DYNC2H1: variants seen among roughly 807,000 people sequenced by gnomAD.
The protein encoded by DYNC2H1 is dynein cytoplasmic 2 heavy chain 1.
Under a neutral mutation model 570.0 loss-of-function variants are expected in DYNC2H1, and 410 were observed. The ratio of observed to expected loss-of-function variants is 0.72; its 90% CI spans 0.66 to 0.78. DYNC2H1 has a LOEUF of 0.78. DYNC2H1 is among the 30% of genes least tolerant of loss of function. The pLI is 0.00. For synonymous variants in DYNC2H1, 1,688 were observed against 1,677.6 expected, an observed-to-expected ratio of 1.01 and a Z score of -0.15; for missense variants, 4,865 against 5,046.4, an observed-to-expected ratio of 0.96 and a Z score of 1.09.
At chr11:103,391,900 T>A (rs1768627385) in intron 83 of DYNC2H1, among the ~76,000 whole-genome samples, 1 of 121,104 alleles carries the variant, frequency 8.3e-6, no homozygotes. Context: ...GGTGTCATTG[T>A]GCCCCTACTG....
rs2134750661 is a variant in DYNC2H1 at position 103,129,280 on chromosome 11, G to A, written c.1953+275G>A. On this transcript the variant is annotated intron_variant, in intron 13 of 88. Transcript: ENST00000375735. The surrounding 1 kb of genome is among the most constrained non-coding windows in gnomAD (Gnocchi z 4.1). The stretch of plus-strand genomic sequence containing the variant: ...ATGTTATGTTCATTTATCCTCTGAA[G>A]TTTGAGGTCCTTATACACAAGCTTC... Among the ~76,000 whole-genome samples the A allele has an allele frequency of 6.6e-6, 1 of 152,296 alleles. No individual in the cohort carries two copies. The highest frequency in any genetic ancestry group is 6.5e-5 in the Admixed American group (1 of 15,288).
intron 82 of DYNC2H1, among the ~76,000 whole-genome samples, chr11:103,357,672 G>T (rs1338021993): frequency 1.3e-5 from 2 of 152,230 alleles, no homozygotes. Flanking sequence ...GCAGCTTTAT[G>T]CCAGGACTGG....
chr11:103,116,881 T>G (rs1259991780), intron 5 of DYNC2H1, among the ~76,000 whole-genome samples, 167 bp downstream of exon 5: 1 of 152,036 alleles, frequency 6.6e-6, no homozygotes, highest in Non-Finnish European at 1.5e-5. Flanking sequence ...TTGGGTGGTA[T>G]AAATCATATG....
intron 63 of DYNC2H1, among the ~76,000 whole-genome samples, chr11:103,236,752 G>A (rs1173849335): frequency 6.6e-6 from 1 of 151,614 alleles, no homozygotes; most frequent in Non-Finnish European, 1.5e-5. Flanking sequence ...GTATAAAGTG[G>A]CATTCTTTTG....
chr11:103,405,527 G>A (rs59702934), intron 84 of DYNC2H1: 26,898 of 151,754 alleles, frequency 0.18, 2,557 homozygotes, highest in Admixed American at 0.26. Flanking sequence ...GGGAGGAGAA[G>A]TCAGAAGTTC....
intron 84 of DYNC2H1, among the ~76,000 whole-genome samples, chr11:103,411,409 T>C (rs1943082264): frequency 6.6e-6 from 1 of 151,992 alleles, no homozygotes; most frequent in Non-Finnish European, 1.5e-5. Context: ...TTTCAGATTG[T>C]TAGGAAAATT....
intron 83 of DYNC2H1, among the ~76,000 whole-genome samples, chr11:103,365,529 A>G (rs1591635939): frequency 6.6e-6 from 1 of 152,316 alleles, no homozygotes; most frequent in Non-Finnish European, 1.5e-5. Flanking sequence ...TATTCAGGCA[A>G]GGGTCCAAAA....
intron 66 of DYNC2H1, 134 bp downstream of exon 66, chr11:103,253,582 G>A (rs1015142266): frequency 3.4e-5 from 30 of 878,194 alleles, no homozygotes; most frequent in Non-Finnish European, 4.7e-5. Context: ...ATACTTGTAT[G>A]TTGGAGTGAA....
chr11:103,301,644 T>C (rs1283974175), intron 75 of DYNC2H1, among the ~76,000 whole-genome samples: 1 of 151,956 alleles, frequency 6.6e-6, no homozygotes, highest in Non-Finnish European at 1.5e-5. Flanking sequence ...TTTCACCTGT[T>C]ATTAGGAATA....
At chr11:103,173,940 G>C in intron 35 of DYNC2H1, 115 bp from the exon 36 acceptor site, 1 of 684,840 alleles carries the variant, frequency 1.5e-6, no homozygotes, top group Non-Finnish European at 2.4e-6. Context: ...AAATTAATGG[G>C]ATATCAACAT....
chr11:103,237,368 A>G (rs1864257775), intron 63 of DYNC2H1, among the ~76,000 whole-genome samples: 1 of 151,942 alleles, frequency 6.6e-6, no homozygotes, highest in Admixed American at 6.6e-5. Flanking sequence ...AAACTGTATT[A>G]TAAGATTTAT....
At chr11:103,213,349 C>A (rs754500159) in intron 54 of DYNC2H1, among the ~76,000 whole-genome samples, 22 of 152,096 alleles carry the variant, frequency 1.4e-4, no homozygotes, top group Non-Finnish European at 2.8e-4. Flanking sequence ...TTACCCCTTG[C>A]TTGCTATTTT....
chr11:103,326,015 G>C lies in DYNC2H1; in HGVS notation c.12039+2025G>C, dbSNP rs1334389184. ...TGCACTCAGTTGGGTTTGGTTTGGG[G>C]CGCTTTCAGAGGGCCAAGGCTCTGT... On this transcript the variant is annotated intron_variant, in intron 82 of 88. Coordinates refer to ENST00000375735, the MANE Select transcript of DYNC2H1 (RefSeq NM_001377.3). This position sits in a 1 kb window ranked among gnomAD's most constrained non-coding sequence, Gnocchi z 6.1. 6.6e-6 allele frequency among the ~76,000 whole-genome samples: 1 copy of C among 152,088 alleles called. No individual in the cohort carries two copies. Among genetic ancestry groups the C allele is most frequent in the Non-Finnish European group, 1.5e-5 (1 of 68,028 alleles).
chr11:103,327,336 C>T (rs549379198), intron 82 of DYNC2H1, among the ~76,000 whole-genome samples: 3 of 151,884 alleles, frequency 2.0e-5, no homozygotes, highest in South Asian at 4.2e-4. Context: ...CAAATACATA[C>T]GTGTGTGTGT....
rs1565377217 is a variant in DYNC2H1 at position 103,185,957 on chromosome 11, GT to G, written c.6634-283del. ...TGCATTCTGTACTTTGTGATTTAAT[GT>G]TAATAAGAACTCCATTAAAATGGAA... On this transcript the variant is annotated intron_variant, in intron 41 of 88. Transcript: ENST00000375735. The surrounding 1 kb of genome is among the most constrained non-coding windows in gnomAD (Gnocchi z 4.5). 6.6e-6 allele frequency among the ~76,000 whole-genome samples: 1 copy of G among 151,868 alleles called. No homozygotes were observed. The highest frequency in any genetic ancestry group is 1.9e-4 in the East Asian group (1 of 5,194).
Position 103,143,382 on chromosome 11 carries a change from G to A in DYNC2H1, c.2689G>A (p.Glu897Lys). The A allele has an allele frequency of 6.2e-7, 1 of 1,610,352 alleles. No homozygotes were observed. The change falls in exon 18 of 89, where the codon GAA becomes AAA. Residue 897 changes from glutamate to lysine, a missense_variant. Physicochemically the swap from Glu to Lys is moderately conservative, Grantham distance 56. This residue lies in a region of DYNC2H1 where 1,936 missense variants were observed against 1,962.1 expected (regional missense o/e 0.99). Transcript: ENST00000375735. ...KALKIKGKEVERLPSAVKVDC... is the reference protein window; with the variant it reads ...KALKIKGKEVKRLPSAVKVDC... The stretch of plus-strand genomic sequence containing the variant: ...ATTAAAAATAAAGGGGAAAGAAGTA[G>A]AACGACTTCCAAGGTATTGGAGGTT...
chr11:103,311,854 G>A (rs548059881), intron 78 of DYNC2H1, 24 bp from the exon 79 acceptor site: 1 of 1,587,818 alleles, frequency 6.3e-7, no homozygotes, highest in Non-Finnish European at 8.6e-7. Context: ...TTAGCAATAG[G>A]ATGTCTGTTG....
chr11:103,112,518 T>G (rs1041418828), intron 1 of DYNC2H1, among the ~76,000 whole-genome samples: 2 of 152,188 alleles, frequency 1.3e-5, no homozygotes, highest in African/African-American at 4.8e-5. Context: ...TGTAATACTT[T>G]GTAATAATAC....
intron 61 of DYNC2H1, 82 bp downstream of exon 61, chr11:103,234,242 G>C: frequency 7.0e-7 from 1 of 1,435,720 alleles, no homozygotes; most frequent in Non-Finnish European, 9.3e-7. Flanking sequence ...AGAAAAAGGA[G>C]AGAAAGATCC....
Sources: gnomAD v4.1 joint callset for allele counts (sites outside exome capture counted in the v4.1 genomes callset) on GRCh38, gnomAD v4.1.1 for gene constraint, gnomAD v4.1.1 regional missense constraint, Gnocchi (gnomAD v3.1) non-coding constraint, MANE v1.5 for transcripts, NCBI Gene and HGNC (gene_info 2026-07-23, HGNC 2026-07-21) for gene names.